NDRG3: variants seen among roughly 807,000 people sequenced by gnomAD.
NDRG3 encodes the protein NDRG family member 3, also known as protein NDRG3.
In NDRG3, 23 loss-of-function variants were observed where a neutral mutation model predicts 57.2. The observed-to-expected ratio is 0.40, with a 90% CI of 0.29 to 0.57. The LOEUF is 0.57. Ranked by LOEUF, NDRG3 falls within the 20% of genes least tolerant of loss-of-function variation. The probability of loss-of-function intolerance (pLI) is 0.42; values close to 1 mark genes in which losing one functional copy is unlikely to be tolerated. For synonymous variants in NDRG3, 132 were observed against 162.6 expected (o/e 0.81, Z 1.43); for missense variants, 384 against 457.3 (o/e 0.84, Z 1.46).
chr20:36,745,878 C>A (rs564160517), intron 1 of NDRG3, among the ~76,000 whole-genome samples, 167 bp downstream of exon 1: 35 of 57,770 alleles, frequency 6.1e-4, no homozygotes, highest in Non-Finnish European at 1.0e-3. Flanking sequence ...GGCGGGCGGG[C>A]GGGGCGGGGC....
intron 3 of NDRG3, among the ~76,000 whole-genome samples, chr20:36,700,102 ACAAT>A (rs1983113753): frequency 6.7e-6 from 1 of 148,410 alleles, no homozygotes; most frequent in Non-Finnish European, 1.5e-5. Context: ...TGACAGAGTG[ACAAT>A]CAGTCTCAAA....
rs116123624 is a variant in NDRG3, at chr20:36,685,983, C to T, written c.321-1508G>A. On this transcript the variant is annotated intron_variant, in intron 5 of 15. Transcript: ENST00000349004. ...CATGATCACGCCACTGTACTCCAGC[C>T]TGGGAAACAAAGCACTATCCTATCT... 3.4e-3 allele frequency among the ~76,000 whole-genome samples: 513 copies of T among 152,272 alleles called. 4 individuals carry two copies. The highest frequency in any genetic ancestry group is 0.012 in the African/African-American group (497 of 41,548).
intron 9 of NDRG3, among the ~76,000 whole-genome samples, chr20:36,666,684 TG>T (rs560953491): frequency 1.5e-4 from 23 of 152,314 alleles, no homozygotes; most frequent in African/African-American, 4.3e-4. Context: ...TTTCTTTGTA[TG>T]TTTTTTTAAT....
intron 1 of NDRG3, among the ~76,000 whole-genome samples, chr20:36,723,249 G>A (rs539433192): frequency 6.8e-4 from 104 of 152,306 alleles, no homozygotes; most frequent in African/African-American, 2.3e-3. Context: ...AGAATGGGGA[G>A]CTCAGAGAGA....
intron 1 of NDRG3, among the ~76,000 whole-genome samples, chr20:36,742,848 T>G (rs774537538): frequency 2.6e-5 from 4 of 152,200 alleles, no homozygotes; most frequent in Admixed American, 6.5e-5. Context: ...TCAATATATT[T>G]ACAGAAAATT....
intron 1 of NDRG3, among the ~76,000 whole-genome samples, chr20:36,726,863 C>T (rs936086880): frequency 2.0e-4 from 31 of 151,970 alleles, no homozygotes; most frequent in Admixed American, 8.5e-4. Flanking sequence ...ATAATCTCGG[C>T]ACCTTATGTT....
rs1023716862 is a variant in NDRG3, at chr20:36,652,701, G to A, written c.*819C>T. ...AGCGACAGCAGTTTTGCTCTTCAGA[G>A]CAGAGGCCTGGCATTTTGTTTCCAC... On this transcript the variant is annotated 3_prime_UTR_variant, in exon 16 of 16. Coordinates refer to ENST00000349004, the MANE Select transcript of NDRG3 (RefSeq NM_032013.4). 7 of 152,224 alleles carry A rather than the reference G, an allele frequency of 4.6e-5. No homozygotes were observed. The South Asian group carries it at 1.4e-3, about 31-fold the overall frequency. 9.4% of individuals were successfully genotyped at this position (152,224 alleles called of 1,614,324 possible). A position where few individuals can be genotyped will look rare whatever the true frequency, so the allele number is the denominator to read the frequency against.
chr20:36,690,575 C>G (rs6071909), intron 3 of NDRG3, among the ~76,000 whole-genome samples: 1 of 9,544 alleles, frequency 1.0e-4, no homozygotes, highest in South Asian at 1.8e-3. Context: ...AGGAACCCAA[C>G]AGAGCAGACA....
In NDRG3 at chr20:36,721,795, A is replaced by T; in HGVS notation, c.-48-12T>A. 8.1e-7 allele frequency: 1 copy of T among 1,236,282 alleles called. No homozygotes were observed. The highest frequency in any genetic ancestry group is 1.2e-6 in the Non-Finnish European group (1 of 853,960). 76.6% of individuals were successfully genotyped at this position (1,236,282 alleles called of 1,614,324 possible). ...ATAAATCAGTAACTCTGAAACAGAA[A>T]AGAAAGAAGTGAAGAAAAAGGCTTA... is the stretch of plus-strand genomic sequence containing the variant. On this transcript the variant is annotated splice_polypyrimidine_tract_variant and intron_variant, in intron 1 of 15. Coordinates refer to ENST00000349004, the MANE Select transcript of NDRG3 (RefSeq NM_032013.4).
At chr20:36,664,564 C>T (rs1979459270) in intron 12 of NDRG3, among the ~76,000 whole-genome samples, 1 of 152,120 alleles carries the variant, frequency 6.6e-6, no homozygotes, top group Non-Finnish European at 1.5e-5. Flanking sequence ...AAAACTGATC[C>T]CATCTAATGA....
intron 10 of NDRG3, 37 bp from the exon 11 acceptor site, chr20:36,665,338 T>G: frequency 6.3e-7 from 1 of 1,595,040 alleles, no homozygotes; most frequent in African/African-American, 1.3e-5. Flanking sequence ...CCTTTTTGGG[T>G]AAAGTCATAG....
intron 4 of NDRG3, 95 bp downstream of exon 4, chr20:36,688,584 A>G (rs1981989954): frequency 2.2e-6 from 2 of 906,678 alleles, no homozygotes; most frequent in Non-Finnish European, 3.6e-6. Flanking sequence ...AGAGAGGGGG[A>G]AACCTCTGCT....
intron 2 of NDRG3, among the ~76,000 whole-genome samples, chr20:36,717,879 T>C (rs900814602): frequency 6.6e-6 from 1 of 152,202 alleles, no homozygotes; most frequent in Non-Finnish European, 1.5e-5. Context: ...TATTAGCATC[T>C]AGTGGGTAGA....
chr20:36,713,282 G>A (rs1474482648), intron 2 of NDRG3, among the ~76,000 whole-genome samples: 1 of 152,204 alleles, frequency 6.6e-6, no homozygotes, highest in African/African-American at 2.4e-5. Context: ...CCAGCTAAGA[G>A]GAATGTTTTC....
chr20:36,709,904 T>TA (rs889398668), intron 2 of NDRG3, among the ~76,000 whole-genome samples: 77 of 147,090 alleles, frequency 5.2e-4, no homozygotes, highest in African/African-American at 1.4e-3. Context: ...AATTTTGGGT[T>TA]AAAAAAAAAA....
rs1408259533 is a variant in NDRG3 at position 36,665,240 on chromosome 20, A to G, written c.754T>C (p.Leu252=). 4 of 1,614,120 alleles carry G rather than the reference A, an allele frequency of 2.5e-6. No homozygotes were observed. Among genetic ancestry groups the G allele is most frequent in the Non-Finnish European group, 3.4e-6 (4 of 1,179,982 alleles). ...LGQNDNKSKT[L]KCSTLLVVGD... is the part of the protein sequence containing the mutation. The stretch of plus-strand genomic sequence containing the variant: ...TGAGGAAACTGAGGAACTTACTTTA[A>G]TGTTTTTGATTTGTTATCATTTTGG... The change falls in exon 11 of 16, where the codon TTA becomes CTA. Residue 252 remains leucine (L), a synonymous_variant. Transcript: ENST00000349004.
chr20:36,679,011 C>T (rs1981007092), intron 8 of NDRG3, among the ~76,000 whole-genome samples: 3 of 152,162 alleles, frequency 2.0e-5, no homozygotes, highest in Admixed American at 6.5e-5. Flanking sequence ...CGTGCAGTGG[C>T]ACGATCTTGG....
At chr20:36,690,898 G>A (rs113300362) in intron 3 of NDRG3, among the ~76,000 whole-genome samples, 5,400 of 152,296 alleles carry the variant, frequency 0.035, 132 homozygotes, top group Middle Eastern at 0.082. Context: ...AAGATGCACC[G>A]AGCTGCTGAG....
intron 8 of NDRG3, among the ~76,000 whole-genome samples, chr20:36,672,767 T>G (rs1980285325): frequency 6.6e-6 from 1 of 151,004 alleles, no homozygotes; most frequent in South Asian, 2.1e-4. Flanking sequence ...AGGTGGAGGT[T>G]GCAGTGAGCC....
Sources: gnomAD v4.1 joint callset for allele counts (sites outside exome capture counted in the v4.1 genomes callset) on GRCh38, gnomAD v4.1.1 for gene constraint, MANE v1.5 for transcripts, NCBI Gene and HGNC (gene_info 2026-07-23, HGNC 2026-07-21) for gene names.